The following FHIT variants were observed in gnomAD, a reference collection of about 807,000 sequenced individuals.
The protein encoded by FHIT is fragile histidine triad diadenosine triphosphatase.
Under a neutral mutation model 17.9 loss-of-function variants are expected in FHIT, and 19 were observed. The observed-to-expected ratio is 1.06, with a 90% confidence interval of 0.74 to 1.56. The LOEUF (loss-of-function observed/expected upper bound fraction) is 1.56, where lower values mean the gene tolerates loss of function less well. Ranked by LOEUF, FHIT falls within the 40% of genes most tolerant of loss-of-function variation. The pLI is 0.00. For missense variants in FHIT, 248 were observed against 189.2 expected, an observed-to-expected ratio of 1.31 and a Z score of -1.82; for synonymous variants, 81 against 69.7, an observed-to-expected ratio of 1.16 and a Z score of -0.81.
intron 4 of FHIT, among the ~76,000 whole-genome samples, chr3:60,564,429 A>G (rs116949247): frequency 6.6e-6 from 1 of 152,258 alleles, no homozygotes; most frequent in East Asian, 1.9e-4. Context: ...TTCAAGTCTT[A>G]TTAATTAAAT....
At chr3:59,785,889 C>T (rs1413368735) in intron 8 of FHIT, among the ~76,000 whole-genome samples, 1 of 152,130 alleles carries the variant, frequency 6.6e-6, no homozygotes, top group Admixed American at 6.6e-5. Flanking sequence ...ATGCAGATGT[C>T]ACCCCGCCAA....
At chr3:59,975,580 G>A (rs1221976569) in intron 7 of FHIT, among the ~76,000 whole-genome samples, 1 of 151,900 alleles carries the variant, frequency 6.6e-6, no homozygotes, top group East Asian at 1.9e-4. Context: ...ACGGTACAAA[G>A]AATGCTTCTG....
chr3:60,128,695 T>A (rs1242718942), intron 5 of FHIT, among the ~76,000 whole-genome samples: 1 of 152,196 alleles, frequency 6.6e-6, no homozygotes, highest in African/African-American at 2.4e-5. Context: ...TAACTGAGCA[T>A]CAGGTAGAAA....
chr3:60,382,876 A>C (rs1157449584), intron 5 of FHIT, among the ~76,000 whole-genome samples: 1 of 152,308 alleles, frequency 6.6e-6, no homozygotes, highest in Middle Eastern at 3.4e-3. Context: ...TATCATTAGC[A>C]ATCTTTTTCC....
intron 3 of FHIT, among the ~76,000 whole-genome samples, chr3:61,021,235 A>G (rs1336520437): frequency 2.0e-5 from 3 of 152,212 alleles, no homozygotes. Flanking sequence ...CATTCTTCTC[A>G]GCACCACATC....
At chr3:59,984,923 T>C (rs999338688) in intron 7 of FHIT, among the ~76,000 whole-genome samples, 2 of 152,106 alleles carry the variant, frequency 1.3e-5, no homozygotes, top group Non-Finnish European at 2.9e-5. Flanking sequence ...GTCAGCAGTA[T>C]TGGGCTTCAC....
chr3:60,521,733 T>C (rs2035375062), intron 5 of FHIT, among the ~76,000 whole-genome samples: 1 of 152,158 alleles, frequency 6.6e-6, no homozygotes, highest in Admixed American at 6.5e-5. Context: ...GACCTAAGTT[T>C]CCCCATATGG....
chr3:60,297,325 C>T (rs2106691544), intron 5 of FHIT, among the ~76,000 whole-genome samples: 1 of 152,156 alleles, frequency 6.6e-6, no homozygotes, highest in South Asian at 2.1e-4. Context: ...CATCAGCATT[C>T]TGTAGTTTTC....
chr3:60,043,404 C>T (rs1575961770), intron 5 of FHIT, among the ~76,000 whole-genome samples: 1 of 152,284 alleles, frequency 6.6e-6, no homozygotes, highest in Middle Eastern at 3.4e-3. Flanking sequence ...TAGCACCGTG[C>T]CAGGCACTTA....
At chr3:60,206,155 T>C (rs1204145098) in intron 5 of FHIT, among the ~76,000 whole-genome samples, 1 of 141,006 alleles carries the variant, frequency 7.1e-6, no homozygotes. Context: ...AAATAAATAA[T>C]AATAATAATA....
At chr3:60,482,678 A>C (rs868042481) in intron 5 of FHIT, among the ~76,000 whole-genome samples, 3 of 152,282 alleles carry the variant, frequency 2.0e-5, no homozygotes, top group Middle Eastern at 3.4e-3. Flanking sequence ...AGAGTGTCCC[A>C]GTGTTAAGAG....
intron 1 of FHIT, among the ~76,000 whole-genome samples, chr3:61,209,643 G>C (rs532819826): frequency 2.0e-5 from 3 of 152,162 alleles, no homozygotes. Flanking sequence ...TGGTTCTCGT[G>C]CCTTGGTTTT....
At chr3:61,076,825 C>T (rs934884495) in intron 2 of FHIT, among the ~76,000 whole-genome samples, 2 of 152,190 alleles carry the variant, frequency 1.3e-5, no homozygotes, top group African/African-American at 2.4e-5. Context: ...ATTTTCCTTA[C>T]ACTGAAATAC....
intron 5 of FHIT, among the ~76,000 whole-genome samples, chr3:60,238,008 T>G (rs956311344): frequency 1.3e-5 from 2 of 151,906 alleles, no homozygotes; most frequent in Admixed American, 6.6e-5. Flanking sequence ...CAGCCAGGAA[T>G]GGTGGTACAT....
At chr3:60,308,490 G>GTATATATA (rs1380485852) in intron 5 of FHIT, among the ~76,000 whole-genome samples, 4 of 74,974 alleles carry the variant, frequency 5.3e-5, no homozygotes, top group African/African-American at 2.3e-4. Context: ...AGGTATAGGT[G>GTATATATA]TATGTGTATA....
chr3:60,270,016 C>A (rs557430011), intron 5 of FHIT, among the ~76,000 whole-genome samples: 1 of 152,248 alleles, frequency 6.6e-6, no homozygotes, highest in South Asian at 2.1e-4. Flanking sequence ...GACGCCAGAA[C>A]TAACATGACC....
intron 5 of FHIT, among the ~76,000 whole-genome samples, chr3:60,263,199 A>G (rs1253001423): frequency 1.3e-5 from 2 of 151,986 alleles, no homozygotes; most frequent in Non-Finnish European, 2.9e-5. Context: ...GACAATATCA[A>G]GTGTTGACAA....
intron 5 of FHIT, among the ~76,000 whole-genome samples, chr3:60,447,201 A>G (rs1270247597): frequency 6.6e-6 from 1 of 152,054 alleles, no homozygotes; most frequent in Non-Finnish European, 1.5e-5. Context: ...GTTCTTTGTT[A>G]TCTTCAAATT....
intron 2 of FHIT, among the ~76,000 whole-genome samples, chr3:61,192,468 G>A (rs1003125921): frequency 6.6e-6 from 1 of 152,208 alleles, no homozygotes; most frequent in African/African-American, 2.4e-5. Flanking sequence ...TTAGATTCCA[G>A]ACATTTGGAG....
Sources: gnomAD v4.1 joint callset for allele counts (sites outside exome capture counted in the v4.1 genomes callset) on GRCh38, gnomAD v4.1.1 for gene constraint, MANE v1.5 for transcripts, NCBI Gene and HGNC (gene_info 2026-07-23, HGNC 2026-07-21) for gene names.